ANO2: variants seen among roughly 807,000 people sequenced by gnomAD.
The protein encoded by ANO2 is anoctamin 2, also known as anoctamin-2.
A neutral mutation model predicts 124.2 loss-of-function variants in ANO2; 101 were observed. The observed-to-expected ratio is 0.81, with a 90% confidence interval of 0.69 to 0.96. The LOEUF is 0.96. Ranked by LOEUF, ANO2 falls within the 40% of genes least tolerant of loss-of-function variation. The probability of loss-of-function intolerance (pLI) is 0.00; values close to 1 mark genes in which losing one functional copy is unlikely to be tolerated. For missense variants in ANO2, 1,293 were observed against 1,274.5 expected (o/e 1.01, Z -0.22); for synonymous variants, 486 against 482.5 (o/e 1.01, Z -0.09).
At chr12:5,573,116 A>G (rs1357061095) in intron 23 of ANO2, among the ~76,000 whole-genome samples, 1 of 152,176 alleles carries the variant, frequency 6.6e-6, no homozygotes, top group Non-Finnish European at 1.5e-5. Flanking sequence ...CACAGTCAAC[A>G]TTGACTGCAG....
chr12:5,675,339 C>T (rs943944307), intron 14 of ANO2, among the ~76,000 whole-genome samples: 5 of 152,188 alleles, frequency 3.3e-5, no homozygotes, highest in African/African-American at 1.2e-4. Context: ...CAGTCTCTGC[C>T]ACACAATATA....
chr12:5,749,601 C>T (rs1200496284), intron 11 of ANO2, among the ~76,000 whole-genome samples: 1 of 152,200 alleles, frequency 6.6e-6, no homozygotes, highest in East Asian at 1.9e-4. Flanking sequence ...GCATTTCTAT[C>T]ACTTGCATCC....
chr12:5,775,562 C>T (rs944240471), intron 10 of ANO2, among the ~76,000 whole-genome samples: 2 of 150,944 alleles, frequency 1.3e-5, no homozygotes, highest in African/African-American at 4.9e-5. Flanking sequence ...CCCAGGTTCA[C>T]GTCATTCTCC....
chr12:5,805,918 A>AG (rs1285924787), intron 9 of ANO2, 134 bp downstream of exon 9: 5 of 810,734 alleles, frequency 6.2e-6, no homozygotes, highest in Non-Finnish European at 9.4e-6. Flanking sequence ...GGTGGGGGAA[A>AG]GGGGGGAGCT....
At chr12:5,864,102 C>T (rs755427329) in intron 3 of ANO2, among the ~76,000 whole-genome samples, 1 of 152,102 alleles carries the variant, frequency 6.6e-6, no homozygotes, top group Non-Finnish European at 1.5e-5. Context: ...ATGTCCTTGA[C>T]CCCTGTGGGA....
At chr12:5,806,523 G>A (rs1012545972) in intron 8 of ANO2, among the ~76,000 whole-genome samples, 2 of 152,228 alleles carry the variant, frequency 1.3e-5, no homozygotes, top group Admixed American at 6.5e-5. Flanking sequence ...CCTGCTGGCA[G>A]TCAGGGAGCC....
At chr12:5,916,783 C>T (rs187210527) in intron 3 of ANO2, among the ~76,000 whole-genome samples, 2 of 151,660 alleles carry the variant, frequency 1.3e-5, no homozygotes, top group African/African-American at 4.8e-5. Flanking sequence ...GAATGACTGC[C>T]TGCGAGGTAG....
chr12:5,779,664 C>G (rs545207124), intron 10 of ANO2, among the ~76,000 whole-genome samples: 1 of 152,300 alleles, frequency 6.6e-6, no homozygotes, highest in East Asian at 1.9e-4. Flanking sequence ...CCAGAGCTAA[C>G]ATCACCAAAA....
chr12:5,647,836 G>C (rs754627993), intron 14 of ANO2, 35 bp from the exon 15 acceptor site: 2 of 1,503,606 alleles, frequency 1.3e-6, no homozygotes. Flanking sequence ...ACAATCAGGA[G>C]GCACAAATAA....
chr12:5,861,709 G>A (rs1396780923), intron 3 of ANO2, among the ~76,000 whole-genome samples: 2 of 152,130 alleles, frequency 1.3e-5, no homozygotes, highest in African/African-American at 4.8e-5. Flanking sequence ...GTGGGGGGAT[G>A]AGCCTGTCGA....
intron 4 of ANO2, 85 bp from the exon 5 acceptor site, chr12:5,832,688 C>T (rs1372101695): frequency 1.4e-6 from 2 of 1,400,130 alleles, no homozygotes; most frequent in Non-Finnish European, 1.9e-6. Context: ...TGCATGGACA[C>T]AGATTCCCAG....
At chr12:5,782,833 A>G (rs535024468) in intron 10 of ANO2, among the ~76,000 whole-genome samples, 24 of 152,356 alleles carry the variant, frequency 1.6e-4, no homozygotes, top group East Asian at 5.8e-4. Flanking sequence ...ATGGGCTCCA[A>G]TGGAAAATAT....
chr12:5,862,967 T>C lies in ANO2; in HGVS notation c.535-8826A>G, dbSNP rs1163642387. Among the ~76,000 whole-genome samples the C allele has an allele frequency of 6.6e-6, 1 of 152,048 alleles. No homozygotes were observed. The highest frequency in any genetic ancestry group is 1.5e-5 in the Non-Finnish European group (1 of 68,002). On this transcript the variant is annotated intron_variant, in intron 3 of 24. Transcript: ENST00000682330. This position sits in a 1 kb window ranked among gnomAD's most constrained non-coding sequence, Gnocchi z 4.0. ...CACCACACCCAGCTAATTTTTTGTATTTTTTTCTTTTTTTTAGTAGAGACG... is the reference window on the plus strand; with the variant it reads ...CACCACACCCAGCTAATTTTTTGTACTTTTTTCTTTTTTTTAGTAGAGACG...
intron 10 of ANO2, among the ~76,000 whole-genome samples, chr12:5,759,925 T>C (rs193158201): frequency 2.0e-5 from 3 of 152,052 alleles, no homozygotes; most frequent in Admixed American, 6.5e-5. Context: ...AGAAAGATCT[T>C]TGGGCAAAAG....
At chr12:5,852,418 T>C (rs186886292) in intron 4 of ANO2, among the ~76,000 whole-genome samples, 112 of 152,330 alleles carry the variant, frequency 7.4e-4, no homozygotes, top group Non-Finnish European at 1.5e-3. Flanking sequence ...TGTTTGTAGC[T>C]AATATTAATG....
At chr12:5,689,678 T>C (rs1210924549) in intron 14 of ANO2, among the ~76,000 whole-genome samples, 1 of 151,982 alleles carries the variant, frequency 6.6e-6, no homozygotes, top group African/African-American at 2.4e-5. Context: ...AACACACAAG[T>C]AGGTGGACAC....
intron 14 of ANO2, among the ~76,000 whole-genome samples, chr12:5,668,933 G>A (rs530785937): frequency 6.6e-5 from 10 of 152,126 alleles, no homozygotes; most frequent in Non-Finnish European, 1.0e-4. Flanking sequence ...GCACCATGGC[G>A]TTTTGGTTAC....
At chr12:5,875,485 C>T (rs988918085) in intron 3 of ANO2, among the ~76,000 whole-genome samples, 6 of 152,242 alleles carry the variant, frequency 3.9e-5, no homozygotes, top group Non-Finnish European at 5.9e-5. Flanking sequence ...TCCTCCATCT[C>T]CTCCCACACT....
chr12:5,782,605 A>G (rs1194374684), intron 10 of ANO2, among the ~76,000 whole-genome samples: 1 of 152,228 alleles, frequency 6.6e-6, no homozygotes, highest in African/African-American at 2.4e-5. Context: ...GTTATGGCAG[A>G]AAAGGTAGTC....
Sources: gnomAD v4.1 joint callset for allele counts (sites outside exome capture counted in the v4.1 genomes callset) on GRCh38, gnomAD v4.1.1 for gene constraint, Gnocchi (gnomAD v3.1) non-coding constraint, MANE v1.5 for transcripts, NCBI Gene and HGNC (gene_info 2026-07-23, HGNC 2026-07-21) for gene names.